The following NAALADL2 variants were observed in gnomAD, a reference collection of about 807,000 sequenced individuals.
NAALADL2 encodes the protein N-acetylated alpha-linked acidic dipeptidase like 2, also known as inactive N-acetylated-alpha-linked acidic dipeptidase-like protein 2.
In NAALADL2, 76 loss-of-function variants were observed where a neutral mutation model predicts 87.2. The observed-to-expected ratio is 0.87, with a 90% CI of 0.72 to 1.05. The LOEUF (loss-of-function observed/expected upper bound fraction) is 1.05. Ranked by LOEUF, NAALADL2 falls within the 50% of genes least tolerant of loss-of-function variation. NAALADL2 has a pLI of 0.00. For missense variants in NAALADL2, 1,089 were observed against 945.8 expected (o/e 1.15, Z -1.99); for synonymous variants, 354 against 331.0 (o/e 1.07, Z -0.75).
chr3:175,654,129 C>T (rs1387078392), intron 11 of NAALADL2, among the ~76,000 whole-genome samples: 1 of 152,158 alleles, frequency 6.6e-6, no homozygotes, highest in Non-Finnish European at 1.5e-5. Flanking sequence ...AAGTGTAGTT[C>T]TGATCATAAA....
At chr3:175,600,830 C>T (rs568678057) in intron 10 of NAALADL2, among the ~76,000 whole-genome samples, 5 of 152,254 alleles carry the variant, frequency 3.3e-5, no homozygotes, top group South Asian at 4.1e-4. Context: ...AGCCACCGCG[C>T]CCGGCCGTGT....
chr3:175,477,640 TTCTATCTGC>T (rs1438975072), intron 9 of NAALADL2, among the ~76,000 whole-genome samples: 2 of 152,148 alleles, frequency 1.3e-5, no homozygotes, highest in African/African-American at 4.8e-5. Flanking sequence ...AACCAAAGAC[TTCTATCTGC>T]TACTGGATTT....
intron 2 of NAALADL2, among the ~76,000 whole-genome samples, chr3:174,692,970 A>G (rs1454244139): frequency 1.4e-5 from 1 of 71,906 alleles, no homozygotes; most frequent in Non-Finnish European, 3.9e-5. Context: ...TTGAGATTCA[A>G]CATACAGAAT....
At chr3:174,595,188 G>A (rs958034208) in intron 2 of NAALADL2, among the ~76,000 whole-genome samples, 2 of 152,036 alleles carry the variant, frequency 1.3e-5, no homozygotes, top group Admixed American at 6.6e-5. Context: ...GAGCTGGAGG[G>A]TGCCACTCCT....
chr3:175,795,592 AG>A (rs1339532330), intron 13 of NAALADL2, among the ~76,000 whole-genome samples: 4 of 151,850 alleles, frequency 2.6e-5, no homozygotes, highest in African/African-American at 9.7e-5. Flanking sequence ...CAGAGGCAGG[AG>A]AATGGTGTGA....
chr3:174,711,022 G>A (rs934487455), intron 2 of NAALADL2, among the ~76,000 whole-genome samples: 1 of 152,108 alleles, frequency 6.6e-6, no homozygotes, highest in Admixed American at 6.6e-5. Flanking sequence ...TCTAGTGATA[G>A]GGTGATTTTT....
At chr3:175,327,016 A>G (rs114966100) in intron 5 of NAALADL2, among the ~76,000 whole-genome samples, 1,731 of 152,322 alleles carry the variant, frequency 0.011, 40 homozygotes, top group African/African-American at 0.039. Flanking sequence ...GATAAGCTGT[A>G]AAGAAGTAAT....
rs546739992 is a variant in NAALADL2 at position 175,630,442 on chromosome 3, G to T, written c.1896+3056G>T. ...TGTATACGTTTTCTCTAGAAATGAA[G>T]TATGTATTTAATTAAGTATTACTAT... is the stretch of plus-strand genomic sequence containing the variant. On this transcript the variant is annotated intron_variant, in intron 11 of 13. Transcript: ENST00000454872. Among the ~76,000 whole-genome samples, 4 of 151,670 alleles carry T rather than the reference G, an allele frequency of 2.6e-5. No individual in the cohort carries two copies. In the East Asian group the frequency reaches 7.7e-4, roughly 29 times the overall value.
chr3:175,372,942 G>T (rs1388077657), intron 5 of NAALADL2, among the ~76,000 whole-genome samples: 1 of 152,188 alleles, frequency 6.6e-6, no homozygotes, highest in Non-Finnish European at 1.5e-5. Context: ...ATGTTAGAAA[G>T]AACAGGACAT....
At chr3:174,945,680 A>G (rs78503283) in intron 1 of NAALADL2, among the ~76,000 whole-genome samples, 6,252 of 152,192 alleles carry the variant, frequency 0.041, 434 homozygotes, top group African/African-American at 0.14. Flanking sequence ...AATTCCTAGA[A>G]TTTGTGGCCT....
chr3:175,218,798 T>A (rs1286022311), intron 2 of NAALADL2, among the ~76,000 whole-genome samples: 1 of 151,812 alleles, frequency 6.6e-6, no homozygotes, highest in Non-Finnish European at 1.5e-5. Context: ...TTTATTTTAT[T>A]TTATTTTATT....
At chr3:174,963,609 A>G (rs1394564318) in intron 1 of NAALADL2, among the ~76,000 whole-genome samples, 1 of 152,084 alleles carries the variant, frequency 6.6e-6, no homozygotes, top group Non-Finnish European at 1.5e-5. Flanking sequence ...CGGCGTTGTG[A>G]TGATTTGTTT....
chr3:174,680,057 C>A (rs1338974320), intron 2 of NAALADL2, among the ~76,000 whole-genome samples: 1 of 151,418 alleles, frequency 6.6e-6, no homozygotes, highest in Non-Finnish European at 1.5e-5. Context: ...TTATTTTTGA[C>A]ACACACTAGA....
chr3:175,008,975 CTAAA>C (rs1749425330), intron 1 of NAALADL2, among the ~76,000 whole-genome samples: 1 of 152,152 alleles, frequency 6.6e-6, no homozygotes, highest in African/African-American at 2.4e-5. Context: ...AAAGACAAAT[CTAAA>C]TGTAACATTT....
chr3:175,625,344 A>G (rs1044257268), intron 10 of NAALADL2, among the ~76,000 whole-genome samples: 2 of 152,054 alleles, frequency 1.3e-5, no homozygotes, highest in Admixed American at 1.3e-4. Context: ...TGTCAGTGCC[A>G]TTCAAAGCTT....
chr3:175,751,599 C>T (rs978639777), intron 12 of NAALADL2, among the ~76,000 whole-genome samples: 1 of 152,038 alleles, frequency 6.6e-6, no homozygotes, highest in African/African-American at 2.4e-5. Context: ...TTATTCATGA[C>T]CACACTGATA....
chr3:175,509,262 G>C (rs997851830), intron 9 of NAALADL2, among the ~76,000 whole-genome samples: 1 of 152,074 alleles, frequency 6.6e-6, no homozygotes, highest in African/African-American at 2.4e-5. Context: ...AACTTCAATA[G>C]TAGCCATCCT....
At chr3:174,754,515 C>T (rs1468983187) in intron 3 of NAALADL2, among the ~76,000 whole-genome samples, 1 of 147,956 alleles carries the variant, frequency 6.8e-6, no homozygotes, top group Non-Finnish European at 1.5e-5. Flanking sequence ...CTCTCTTGCC[C>T]AGGCTGGCCA....
intron 3 of NAALADL2, among the ~76,000 whole-genome samples, chr3:174,745,663 C>A (rs949220642): frequency 6.6e-6 from 1 of 152,106 alleles, no homozygotes; most frequent in Non-Finnish European, 1.5e-5. Context: ...AGCCAATATC[C>A]CTGATGAACA....
Sources: allele counts gnomAD v4.1 joint callset (sites outside exome capture counted in the v4.1 genomes callset), GRCh38; gene constraint gnomAD v4.1.1; transcripts MANE v1.5; gene names NCBI Gene and HGNC (gene_info 2026-07-23, HGNC 2026-07-21).